The following ZC3H12B variants were observed in gnomAD, a reference collection of about 807,000 sequenced individuals.
ZC3H12B encodes probable ribonuclease ZC3H12B.
In ZC3H12B, 7 loss-of-function variants were observed where a neutral mutation model predicts 43.9. The observed-to-expected ratio is 0.16, with a 90% CI of 0.09 to 0.30. The LOEUF is 0.30. Ranked by LOEUF, ZC3H12B falls within the 10% of genes least tolerant of loss-of-function variation. The pLI is 1.00. For missense variants in ZC3H12B, 475 were observed against 670.2 expected (o/e 0.71, Z 3.22); for synonymous variants, 222 against 241.7 (o/e 0.92, Z 0.76).
At chrX:65,207,060 G>T in the ZC3H12B span, among the ~76,000 whole-genome samples, 3 of 109,791 alleles carry the variant, frequency 2.7e-5, no homozygotes, top group African/African-American at 9.9e-5. Context: ...CTGCTGGTGG[G>T]AATGAGAACT....
At chrX:65,123,568 G>T in the ZC3H12B span, among the ~76,000 whole-genome samples, 1 of 110,143 alleles carries the variant, frequency 9.1e-6, no homozygotes. Flanking sequence ...AATGCTTTTG[G>T]CAGTATGGTC....
At chrX:65,115,508 A>G in the ZC3H12B span, among the ~76,000 whole-genome samples, 2 of 111,388 alleles carry the variant, frequency 1.8e-5, no homozygotes, top group South Asian at 7.5e-4. Flanking sequence ...TTGTGCTGCT[A>G]TAAACATGCA....
chrX:65,290,585 C>T, the ZC3H12B span, among the ~76,000 whole-genome samples: 2 of 111,404 alleles, frequency 1.8e-5, no homozygotes. Context: ...TTCACAATAC[C>T]AAAGATATGG....
the ZC3H12B span, among the ~76,000 whole-genome samples, chrX:65,236,371 G>GT: frequency 9.0e-6 from 1 of 111,583 alleles, no homozygotes; most frequent in Admixed American, 9.5e-5. Flanking sequence ...GTTTGTCCAT[G>GT]TTTTTTACCC....
chrX:65,289,473 A>G, the ZC3H12B span, among the ~76,000 whole-genome samples: 3 of 110,198 alleles, frequency 2.7e-5, no homozygotes, highest in African/African-American at 6.6e-5. Context: ...AAACCTGCAC[A>G]TGTTTAAATT....
chrX:65,348,655 G>C, the ZC3H12B span, among the ~76,000 whole-genome samples: 3 of 106,943 alleles, frequency 2.8e-5, no homozygotes, highest in Non-Finnish European at 3.8e-5. Flanking sequence ...CAAAATAAAG[G>C]GATGGAGGAA....
At chrX:65,116,849 A>G in the ZC3H12B span, among the ~76,000 whole-genome samples, 2 of 111,386 alleles carry the variant, frequency 1.8e-5, no homozygotes, top group African/African-American at 3.3e-5. Context: ...GCTCAGAATG[A>G]TGGTATCCAG....
chrX:65,329,282 C>T, the ZC3H12B span, among the ~76,000 whole-genome samples: 3 of 111,488 alleles, frequency 2.7e-5, no homozygotes, highest in African/African-American at 9.9e-5. Flanking sequence ...TTTTGATTTG[C>T]ATTTCTCTGA....
chrX:65,037,360 C>T, the ZC3H12B span, among the ~76,000 whole-genome samples: 1 of 111,710 alleles, frequency 9.0e-6, no homozygotes, highest in Non-Finnish European at 1.9e-5. Context: ...TTCAGCATAG[C>T]ATGAGCTAAG....
At chrX:65,227,705 C>T in the ZC3H12B span, among the ~76,000 whole-genome samples, 1 of 110,793 alleles carries the variant, frequency 9.0e-6, no homozygotes, top group Non-Finnish European at 1.9e-5. Flanking sequence ...GGGGATATCA[C>T]CACCGATCCC....
chrX:65,066,319 G>A, the ZC3H12B span, among the ~76,000 whole-genome samples: 1 of 110,996 alleles, frequency 9.0e-6, no homozygotes. Flanking sequence ...CCTTTGGATG[G>A]GTTTTTTGTG....
At chrX:65,364,701 C>G (rs1453854333), upstream of ZC3H12B, among the ~76,000 whole-genome samples, 1 of 111,616 alleles carries the variant, frequency 9.0e-6, no homozygotes, top group African/African-American at 3.3e-5. Context: ...TTACAAGCCA[C>G]TAGCCCGCCT....
chrX:65,250,922 G>A, the ZC3H12B span, among the ~76,000 whole-genome samples: 1 of 111,530 alleles, frequency 9.0e-6, no homozygotes, highest in Non-Finnish European at 1.9e-5. Context: ...CTTTTGCTGT[G>A]CAGAAGCTCT....
chrX:65,098,467 G>A, the ZC3H12B span, among the ~76,000 whole-genome samples: 1 of 110,588 alleles, frequency 9.0e-6, no homozygotes, highest in Non-Finnish European at 1.9e-5. Context: ...CAAGGTGGTG[G>A]AACAGGAACT....
the ZC3H12B span, among the ~76,000 whole-genome samples, chrX:65,204,095 C>T: frequency 6.2e-5 from 7 of 112,616 alleles, no homozygotes; most frequent in Admixed American, 6.6e-4. Flanking sequence ...TCCCCTGTGG[C>T]TGCTGCCAGG....
intron 3 of ZC3H12B, among the ~76,000 whole-genome samples, chrX:65,435,652 A>G (rs1335291975): frequency 1.1e-5 from 1 of 87,939 alleles, no homozygotes; most frequent in African/African-American, 4.3e-5. Context: ...TAGGATAGAT[A>G]GATAGATAGA....
exon 5 of ZC3H12B, chrX:65,503,198 G>A: frequency 8.4e-7 from 1 of 1,195,661 alleles, no homozygotes; most frequent in Non-Finnish European, 1.1e-6. Context: ...TAAGCTTAGG[G>A]CTGCACGTTG....
At chrX:65,400,660 G>A (rs1265036707) in intron 3 of ZC3H12B, among the ~76,000 whole-genome samples, 2 of 111,722 alleles carry the variant, frequency 1.8e-5, no homozygotes, top group African/African-American at 6.5e-5. Flanking sequence ...TCTGCTCATT[G>A]TTACTGAATT....
the ZC3H12B span, among the ~76,000 whole-genome samples, chrX:65,206,654 A>G: frequency 9.0e-6 from 1 of 111,669 alleles, no homozygotes; most frequent in African/African-American, 3.3e-5. Flanking sequence ...AAATAAAATA[A>G]ATAGATAGGA....
Sources: gnomAD v4.1 joint callset for allele counts (sites outside exome capture counted in the v4.1 genomes callset) on GRCh38, gnomAD v4.1.1 for gene constraint, MANE v1.5 for transcripts, NCBI Gene and HGNC (gene_info 2026-07-23, HGNC 2026-07-21) for gene names.